Variants in DNAH17 observed in about 807,000 individuals in gnomAD.
The protein encoded by DNAH17 is axonemal beta dynein heavy chain 17.
In DNAH17, 376 loss-of-function variants were observed where a neutral mutation model predicts 485.6. The ratio of observed to expected loss-of-function variants is 0.77; its 90% CI spans 0.71 to 0.84. The LOEUF is 0.84. Ranked by LOEUF, DNAH17 falls within the 40% of genes least tolerant of loss-of-function variation. The probability of loss-of-function intolerance (pLI) is 0.00; values close to 1 mark genes in which losing one functional copy is unlikely to be tolerated. For missense variants in DNAH17, 6,370 were observed against 5,839.3 expected, an observed-to-expected ratio of 1.09 and a Z score of -2.96; for synonymous variants, 3,031 against 2,405.9, an observed-to-expected ratio of 1.26 and a Z score of -7.60.
chr17:78,544,076 G>C (rs191831840), intron 16 of DNAH17, 79 bp from the exon 17 acceptor site: 2 of 1,595,026 alleles, frequency 1.3e-6, no homozygotes, highest in East Asian at 2.2e-5. Flanking sequence ...GTGTGCTTTT[G>C]ATGTGAGTTT....
intron 54 of DNAH17, among the ~76,000 whole-genome samples, chr17:78,473,033 C>CCA (rs1208545714): frequency 2.6e-5 from 4 of 152,214 alleles, no homozygotes; most frequent in Non-Finnish European, 4.4e-5. Context: ...CCCCTAGCCT[C>CCA]CAGCAGGTGC....
intron 12 of DNAH17, among the ~76,000 whole-genome samples, chr17:78,561,140 C>T (rs1267044267): frequency 6.6e-6 from 1 of 152,158 alleles, no homozygotes; most frequent in Non-Finnish European, 1.5e-5. Flanking sequence ...GCCACCAGCC[C>T]AGGAGGCCAA....
In DNAH17 at chr17:78,429,214, C is replaced by A. The variant is rs996746093; in HGVS notation, c.12312G>T (p.Arg4104Ser). ...TCCGGATGTATTCAGCCAGGTAGGTCCTGCACAGCCGACGGTCCCAGTCAT... is the reference window on the plus strand; with the variant it reads ...TCCGGATGTATTCAGCCAGGTAGGTACTGCACAGCCGACGGTCCCAGTCAT... Reference protein sequence around the residue: ...ITDDWDRRLCRTYLAEYIRTE... With the variant: ...ITDDWDRRLCSTYLAEYIRTE... Residue 4104 changes from arginine (R) to serine (S), a missense_variant, in exon 76 of 81, where the codon AGG (arginine) becomes AGT (serine). Transcript: ENST00000389840. The A allele has an allele frequency of 6.2e-7, 1 of 1,613,734 alleles. No individual in the cohort carries two copies. The highest frequency in any genetic ancestry group is 1.3e-5 in the African/African-American group (1 of 74,920).
intron 2 of DNAH17, among the ~76,000 whole-genome samples, chr17:78,574,487 A>G (rs1003538903): frequency 6.6e-6 from 1 of 151,466 alleles, no homozygotes; most frequent in Non-Finnish European, 1.5e-5. Context: ...TGGGAAGCAG[A>G]GTGAGACCCT....
intron 48 of DNAH17, among the ~76,000 whole-genome samples, chr17:78,483,509 A>G (rs1243927376): frequency 3.9e-5 from 6 of 152,104 alleles, no homozygotes; most frequent in African/African-American, 1.4e-4. Flanking sequence ...AGGCACCTAT[A>G]ATTTCAGCTA....
intron 62 of DNAH17, among the ~76,000 whole-genome samples, chr17:78,456,444 G>A (rs954358266): frequency 6.6e-6 from 1 of 152,144 alleles, no homozygotes; most frequent in South Asian, 2.1e-4. Flanking sequence ...CCATTTGATT[G>A]CCTCTCTCCT....
At chr17:78,480,167 G>A (rs764267039) in intron 49 of DNAH17, among the ~76,000 whole-genome samples, 2 of 151,594 alleles carry the variant, frequency 1.3e-5, no homozygotes, top group Non-Finnish European at 2.9e-5. Flanking sequence ...TGGCCAATAT[G>A]GTGAAACCCC....
intron 48 of DNAH17, 113 bp downstream of exon 48, chr17:78,484,755 C>CCCCCCCCCCCCCCCCCCCCCA: frequency 1.5e-6 from 1 of 645,924 alleles, no homozygotes; most frequent in Non-Finnish European, 2.2e-6. Flanking sequence ...CCCACCGCCC[C>CCCCCCCCCCCCCCCCCCCCCA]ACACCAGTCC....
chr17:78,558,271 G>A lies in DNAH17; in HGVS notation c.2032-17C>T, dbSNP rs1048219896. The A allele has an allele frequency of 5.0e-6, 8 of 1,612,230 alleles. No homozygotes were observed. Among genetic ancestry groups the A allele is most frequent in the Non-Finnish European group, 6.8e-6 (8 of 1,179,076 alleles). On this transcript the variant is annotated splice_polypyrimidine_tract_variant and intron_variant, in intron 13 of 80. Transcript: ENST00000389840. ...TGCCACCAACTAAATGACAAACGAA[G>A]ATCAAAGAACATGTCAGCAGGTCAG... is the stretch of plus-strand genomic sequence containing the variant.
At chr17:78,566,946 G>A (rs2092277187) in intron 10 of DNAH17, 53 bp downstream of exon 10, 2 of 1,557,018 alleles carry the variant, frequency 1.3e-6, no homozygotes, top group Non-Finnish European at 1.7e-6. Flanking sequence ...TGGTACCGAG[G>A]CTGGTGCTGT....
intron 15 of DNAH17, among the ~76,000 whole-genome samples, chr17:78,551,857 G>A (rs1432121828): frequency 6.6e-6 from 1 of 151,932 alleles, no homozygotes; most frequent in African/African-American, 2.4e-5. Flanking sequence ...CAGCTACTCG[G>A]GAGGCTGAGG....
chr17:78,445,620 A>C lies in DNAH17; in HGVS notation c.11272T>G (p.Phe3758Val). 6.4e-7 allele frequency: 1 copy of C among 1,568,746 alleles called. No homozygotes were observed. The highest frequency in any genetic ancestry group is 1.2e-5 in the South Asian group (1 of 85,140). The change falls in exon 70 of 81, where the codon TTT becomes GTT. Residue 3758 changes from phenylalanine to valine, a missense_variant. By Grantham distance (50) the Phe-to-Val change is conservative. Coordinates refer to ENST00000389840, the MANE Select transcript of DNAH17 (RefSeq NM_173628.4). Reference sequence around the variant, plus strand: ...ACTGGTGAGACCACTCCGGCCTTAAAAGGGAACCGCAGGAGGAAATCCAGC... The same window carrying C: ...ACTGGTGAGACCACTCCGGCCTTAACAGGGAACCGCAGGAGGAAATCCAGC... ...VELDFLLRFP[F>V]KAGVVSPVDF...
At chr17:78,504,481 C>T (rs1185077641) in intron 31 of DNAH17, among the ~76,000 whole-genome samples, 1 of 18,230 alleles carries the variant, frequency 5.5e-5, no homozygotes, top group African/African-American at 2.0e-4. Flanking sequence ...ACCACCCCAC[C>T]CACCCCACCC....
chr17:78,446,631 T>TTTTA (rs1491429217), intron 69 of DNAH17, among the ~76,000 whole-genome samples: 1 of 103,420 alleles, frequency 9.7e-6, no homozygotes, highest in African/African-American at 8.1e-5. Context: ...TTTTTAAATT[T>TTTTA]ATTTTATTAT....
At position 78,560,070 on chromosome 17, in the gene DNAH17, C is replaced by T. The variant is rs115560060; in HGVS notation, c.2031+670G>A. On this transcript the variant is annotated intron_variant, in intron 13 of 80. Transcript: ENST00000389840. ...CTGTTGCACCTTCTACCATATCATACACTTGACTCCCTCGTGAATGCTAGC... is the reference window on the plus strand; with the variant it reads ...CTGTTGCACCTTCTACCATATCATATACTTGACTCCCTCGTGAATGCTAGC... 8.9e-3 allele frequency among the ~76,000 whole-genome samples: 1,353 copies of T among 152,214 alleles called. 18 individuals carry two copies. Among genetic ancestry groups the T allele is most frequent in the African/African-American group, 0.031 (1,290 of 41,520 alleles).
intron 44 of DNAH17, among the ~76,000 whole-genome samples, chr17:78,487,594 G>A (rs1411260898): frequency 2.0e-5 from 3 of 152,150 alleles, no homozygotes; most frequent in Middle Eastern, 6.8e-3. Flanking sequence ...GTGCGATCTC[G>A]GCTCACTGCA....
At chr17:78,478,183 C>T (rs1293139632) in intron 51 of DNAH17, among the ~76,000 whole-genome samples, 3 of 148,184 alleles carry the variant, frequency 2.0e-5, no homozygotes, top group South Asian at 4.3e-4. Flanking sequence ...ACCATCATCA[C>T]CATTATCACC....
Position 78,574,875 on chromosome 17 carries a change from C to T in DNAH17, c.183G>A (p.Met61Ile), listed in dbSNP as rs2092411883. 1.2e-6 allele frequency: 2 copies of T among 1,614,022 alleles called. No individual in the cohort carries two copies. The highest frequency in any genetic ancestry group is 2.2e-5 in the South Asian group (2 of 91,082). The change falls in exon 2 of 81, where the codon ATG becomes ATA. Residue 61 changes from methionine (M) to isoleucine (I), a missense_variant. Physicochemically the swap from Met to Ile is conservative, Grantham distance 10 (BLOSUM62 1). Transcript: ENST00000389840. Reference sequence around the variant, plus strand: ...GGGGGAAGCCCAGGCAGGGTATGATCATGCCGGCTGCATTGAGCGTCAGCA... The same window carrying T: ...GGGGGAAGCCCAGGCAGGGTATGATTATGCCGGCTGCATTGAGCGTCAGCA... ...VLVLTLNAAG[M>I]IIPCLGFPQS...
At chr17:78,438,919 C>T in intron 73 of DNAH17, 171 bp downstream of exon 73, 3 of 1,003,166 alleles carry the variant, frequency 3.0e-6, no homozygotes, top group Non-Finnish European at 4.2e-6. Flanking sequence ...ACCCAGCTGA[C>T]CCCAGCAGAG....
Sources: gnomAD v4.1 joint callset for allele counts (sites outside exome capture counted in the v4.1 genomes callset) on GRCh38, gnomAD v4.1.1 for gene constraint, MANE v1.5 for transcripts, NCBI Gene and HGNC (gene_info 2026-07-23, HGNC 2026-07-21) for gene names.